The following BNIP3 variants were observed in gnomAD, a reference collection of about 807,000 sequenced individuals.
The protein encoded by BNIP3 is BCL2/adenovirus E1B 19 kDa protein-interacting protein 3.
A neutral mutation model predicts 23.9 loss-of-function variants in BNIP3; 16 were observed. The observed-to-expected ratio is 0.67, with a 90% CI of 0.45 to 1.01. BNIP3 has a LOEUF of 1.01. BNIP3 is among the 50% of genes least tolerant of loss of function. The pLI is 0.00. For missense variants in BNIP3, 198 were observed against 248.7 expected, an observed-to-expected ratio of 0.80 and a Z score of 1.37; for synonymous variants, 81 against 89.3, an observed-to-expected ratio of 0.91 and a Z score of 0.53.
chr10:131,975,831 T>C (rs1240774338), intron 1 of BNIP3, among the ~76,000 whole-genome samples: 1 of 152,200 alleles, frequency 6.6e-6, no homozygotes, highest in African/African-American at 2.4e-5. Context: ...GCCTCTCACG[T>C]TGCCTCATGT....
At chr10:131,981,698 T>TTGGCCTCTCTC in intron 1 of BNIP3, 63 bp downstream of exon 1, 2 of 1,441,104 alleles carry the variant, frequency 1.4e-6, no homozygotes, top group Non-Finnish European at 9.1e-7. Flanking sequence ...TGGCGCCCTC[T>TTGGCCTCTCTC]TGGCCTTCCC....
At chr10:131,977,779 A>C (rs1235578664) in intron 1 of BNIP3, among the ~76,000 whole-genome samples, 1 of 152,180 alleles carries the variant, frequency 6.6e-6, no homozygotes, top group Non-Finnish European at 1.5e-5. Flanking sequence ...AAAATCCAGG[A>C]AACAAGGAAA....
chr10:131,975,423 T>C (rs1392244427), intron 1 of BNIP3, among the ~76,000 whole-genome samples: 1 of 152,256 alleles, frequency 6.6e-6, no homozygotes, highest in East Asian at 1.9e-4. Flanking sequence ...GGGAAACTTA[T>C]GGACGAGAAC....
chr10:131,970,602 A>G lies in BNIP3; in HGVS notation c.539+36T>C, dbSNP rs749075500. On this transcript the variant is annotated intron_variant, in intron 5 of 5. Transcript: ENST00000368636. The surrounding 1 kb of genome is among the most constrained non-coding windows in gnomAD (Gnocchi z 4.1). ...CTGCAACCCAGAATCGCCCCACGAC[A>G]TGCCATGACAGGAGTCACACAGTCA... 2 of 1,607,104 alleles carry G rather than the reference A, an allele frequency of 1.2e-6. No homozygotes were observed. Among genetic ancestry groups the G allele is most frequent in the South Asian group, 2.2e-5 (2 of 90,356 alleles).
rs4550 is a variant in BNIP3 at position 131,968,294 on chromosome 10, C to T, written c.*230G>A. Reference sequence around the variant, plus strand: ...AAATGAAAATTTACTACCAAATTTTCACAGTAGACATTAATCAGTCTGACA... The same window carrying T: ...AAATGAAAATTTACTACCAAATTTTTACAGTAGACATTAATCAGTCTGACA... On this transcript the variant is annotated 3_prime_UTR_variant, in exon 6 of 6. Coordinates refer to ENST00000368636, the MANE Select transcript of BNIP3 (RefSeq NM_004052.4). 101,899 of 355,932 alleles carry T rather than the reference C, an allele frequency of 0.29. 15,583 individuals are homozygous for T. Among genetic ancestry groups the T allele is most frequent in the East Asian group, 0.49 (11,802 of 24,208 alleles). The allele number at this position is 355,932 out of a possible 1,614,324, so 22.0% of individuals were successfully genotyped here.
intron 1 of BNIP3, among the ~76,000 whole-genome samples, chr10:131,979,064 C>A (rs947318944): frequency 3.3e-5 from 5 of 151,702 alleles, no homozygotes; most frequent in Non-Finnish European, 7.3e-5. Context: ...CTGGCCTCCT[C>A]TCCTCCAGGA....
Position 131,973,755 on chromosome 10 carries a change from C to G in BNIP3, c.197+38G>C, listed in dbSNP as rs575826630. On this transcript the variant is annotated intron_variant, in intron 2 of 5. Coordinates refer to ENST00000368636, the MANE Select transcript of BNIP3 (RefSeq NM_004052.4). Reference sequence around the variant, plus strand: ...TGTGACTGTCACCCACTGAAGACATCGGCACTGTAACACATACACTTGTTG... The same window carrying G: ...TGTGACTGTCACCCACTGAAGACATGGGCACTGTAACACATACACTTGTTG... The G allele has an allele frequency of 4.4e-6, 7 of 1,605,774 alleles. No individual in the cohort carries two copies. The Admixed American group carries it at 1.2e-4, about 27-fold the overall frequency.
intron 1 of BNIP3, among the ~76,000 whole-genome samples, chr10:131,977,794 A>G (rs1239637558): frequency 1.3e-5 from 2 of 152,080 alleles, no homozygotes; most frequent in Non-Finnish European, 2.9e-5. Context: ...AGGAAAAAAA[A>G]CTCACTCCAG....
chr10:131,972,150 T>C (rs1224119873), intron 3 of BNIP3, among the ~76,000 whole-genome samples: 8 of 152,178 alleles, frequency 5.3e-5, no homozygotes, highest in East Asian at 1.9e-4. Flanking sequence ...GGGAGAACGA[T>C]AGTACACCAA....
At position 131,970,202 on chromosome 10, in the gene BNIP3, T is replaced by A; in HGVS notation, c.539+436A>T. ...CAGTAAAGTCGGAGACTGCATTGGT[T>A]CCTTCATTGCTGAGAGTTACTAGAA... On this transcript the variant is annotated intron_variant, in intron 5 of 5. Coordinates refer to ENST00000368636, the MANE Select transcript of BNIP3 (RefSeq NM_004052.4). The surrounding 1 kb of genome is among the most constrained non-coding windows in gnomAD (Gnocchi z 4.1). 1 of 174,782 alleles carries A rather than the reference T, an allele frequency of 5.7e-6. No individual in the cohort carries two copies. 10.8% of individuals were successfully genotyped at this position (174,782 alleles called of 1,614,324 possible). A position where few individuals can be genotyped will look rare whatever the true frequency, so the allele number is the denominator to read the frequency against.
intron 1 of BNIP3, 135 bp downstream of exon 1, chr10:131,981,626 G>T: frequency 1.8e-6 from 2 of 1,119,966 alleles, no homozygotes; most frequent in Non-Finnish European, 2.3e-6. Context: ...GTACGGAAGG[G>T]GAGGATGGCG....
rs1044118261 is a variant in BNIP3 at position 131,976,423 on chromosome 10, C to A, written c.47-2480G>T. Among the ~76,000 whole-genome samples the A allele has an allele frequency of 6.6e-6, 1 of 152,280 alleles. No individual in the cohort carries two copies. Among genetic ancestry groups the A allele is most frequent in the Non-Finnish European group, 1.5e-5 (1 of 68,014 alleles). ...CAGAGAATGGGGTGTCCAGGTTACCCGTATTTCTGCCAGTGCCTCTACCTA... is the reference window on the plus strand; with the variant it reads ...CAGAGAATGGGGTGTCCAGGTTACCAGTATTTCTGCCAGTGCCTCTACCTA... On this transcript the variant is annotated intron_variant, in intron 1 of 5. Coordinates refer to ENST00000368636, the MANE Select transcript of BNIP3 (RefSeq NM_004052.4). The surrounding 1 kb of genome is among the most constrained non-coding windows in gnomAD (Gnocchi z 4.3).
rs1195458949 is a variant in BNIP3, at chr10:131,973,923, A to G, written c.67T>C (p.Phe23Leu). Reference protein sequence around the residue: ...SLQGSWVELHFSNNGNGGSVP... With the variant: ...SLQGSWVELHLSNNGNGGSVP... Reference sequence around the variant, plus strand: ...CTGCCCCCGTTCCCATTATTGCTGAAGTGCAGTTCTACCCAGGAGCCTGAT... The same window carrying G: ...CTGCCCCCGTTCCCATTATTGCTGAGGTGCAGTTCTACCCAGGAGCCTGAT... Residue 23 changes from phenylalanine (F) to leucine (L), a missense_variant, in exon 2 of 6, where the codon TTC becomes CTC. Transcript: ENST00000368636. 1.9e-6 allele frequency: 3 copies of G among 1,613,950 alleles called. No individual in the cohort carries two copies. The South Asian group carries it at 3.3e-5, about 18-fold the overall frequency.
intron 1 of BNIP3, chr10:131,981,485 G>A (rs750061244): frequency 2.3e-6 from 1 of 425,824 alleles, no homozygotes; most frequent in Non-Finnish European, 4.2e-6. Context: ...CGCGGAGCTG[G>A]AGAATCGGGG....
At chr10:131,971,084 C>T (rs1308996837) in intron 3 of BNIP3, 114 bp from the exon 4 acceptor site, 1 of 945,524 alleles carries the variant, frequency 1.1e-6, no homozygotes, top group East Asian at 2.6e-5. Flanking sequence ...CCCAGAGGCA[C>T]ATGTCAGTGC....
intron 2 of BNIP3, 155 bp downstream of exon 2, chr10:131,973,638 T>G: frequency 1.0e-6 from 1 of 978,870 alleles, no homozygotes; most frequent in Non-Finnish European, 1.5e-6. Context: ...GAGGCTCCTA[T>G]ATAAGGACGG....
chr10:131,971,147 C>T (rs76280104), intron 3 of BNIP3, 177 bp from the exon 4 acceptor site: 16 of 619,078 alleles, frequency 2.6e-5, no homozygotes, highest in African/African-American at 3.7e-5. Context: ...CCCCGGGCCG[C>T]GCCGCACTCC....
At chr10:131,968,801 A>C in intron 5 of BNIP3, 1 of 397,738 alleles carries the variant, frequency 2.5e-6, no homozygotes, top group South Asian at 3.1e-5. Context: ...TCTTACATAG[A>C]AGGATCACCA....
In BNIP3 at chr10:131,976,569, A is replaced by G. The variant is rs2037079173; in HGVS notation, c.47-2626T>C. 6.6e-6 allele frequency among the ~76,000 whole-genome samples: 1 copy of G among 152,288 alleles called. No homozygotes were observed. Among genetic ancestry groups the G allele is most frequent in the Non-Finnish European group, 1.5e-5 (1 of 68,024 alleles). The stretch of plus-strand genomic sequence containing the variant: ...AAACAATTCCAGGGCAGACAAATGG[A>G]AATGACATACAGCCCAGATCCCCAC... On this transcript the variant is annotated intron_variant, in intron 1 of 5. Coordinates refer to ENST00000368636, the MANE Select transcript of BNIP3 (RefSeq NM_004052.4). This position sits in a 1 kb window ranked among gnomAD's most constrained non-coding sequence, Gnocchi z 4.3.
Sources: gnomAD v4.1 joint callset for allele counts (sites outside exome capture counted in the v4.1 genomes callset) on GRCh38, gnomAD v4.1.1 for gene constraint, Gnocchi (gnomAD v3.1) non-coding constraint, MANE v1.5 for transcripts, NCBI Gene and HGNC (gene_info 2026-07-23, HGNC 2026-07-21) for gene names.